The following PHF24 variants were observed in gnomAD, a reference collection of about 807,000 sequenced individuals.
PHF24 encodes PHD finger protein 24, also known as Galpha inhibitory interacting protein.
Under a neutral mutation model 42.6 loss-of-function variants are expected in PHF24, and 25 were observed. The observed-to-expected ratio is 0.59, with a 90% CI of 0.43 to 0.82. The LOEUF (loss-of-function observed/expected upper bound fraction) is 0.82. Among genes scored for constraint, PHF24 ranks in the 40% least tolerant of loss-of-function variants. PHF24 has a pLI of 0.00. For synonymous variants in PHF24, 185 were observed against 204.8 expected (o/e 0.90, Z 0.83); for missense variants, 470 against 538.1 (o/e 0.87, Z 1.25).
the PHF24 span, among the ~76,000 whole-genome samples, chr9:34,676,985 A>C: frequency 5.3e-5 from 8 of 152,364 alleles, no homozygotes; most frequent in South Asian, 1.7e-3. Flanking sequence ...ACTGGGGATG[A>C]CGCTTCAACA....
the PHF24 span, among the ~76,000 whole-genome samples, chr9:34,675,057 C>T: frequency 7.9e-5 from 12 of 152,224 alleles, no homozygotes; most frequent in African/African-American, 2.4e-4. Context: ...GGGGTTTCAC[C>T]GTGTTGCCCA....
At chr9:34,708,470 G>T in the PHF24 span, among the ~76,000 whole-genome samples, 1 of 152,192 alleles carries the variant, frequency 6.6e-6, no homozygotes, top group Non-Finnish European at 1.5e-5. Context: ...GCTGAAGCAA[G>T]TCCCCTCGGG....
the PHF24 span, among the ~76,000 whole-genome samples, chr9:34,713,074 A>T: frequency 6.6e-6 from 1 of 152,288 alleles, no homozygotes; most frequent in Non-Finnish European, 1.5e-5. Context: ...CTCCTTAGGG[A>T]TTGCTGATAT....
At chr9:34,675,713 G>T in the PHF24 span, among the ~76,000 whole-genome samples, 1 of 152,078 alleles carries the variant, frequency 6.6e-6, no homozygotes, top group Admixed American at 6.5e-5. Context: ...CTGCAGTTTG[G>T]GTCACTCTGA....
the PHF24 span, among the ~76,000 whole-genome samples, chr9:34,873,332 T>G: frequency 6.6e-6 from 1 of 152,010 alleles, no homozygotes; most frequent in Non-Finnish European, 1.5e-5. Context: ...GTTTTTATGG[T>G]TTTAGGTCTA....
At chr9:34,823,254 G>C in the PHF24 span, among the ~76,000 whole-genome samples, 1 of 151,528 alleles carries the variant, frequency 6.6e-6, no homozygotes, top group African/African-American at 2.4e-5. Context: ...AGCTGGAGTG[G>C]TGCTCACCTA....
chr9:34,977,425 G>T, intron 6 of PHF24, 121 bp from the exon 7 acceptor site: 1 of 1,230,322 alleles, frequency 8.1e-7, no homozygotes, highest in South Asian at 1.4e-5. Flanking sequence ...CTTCAACTCG[G>T]TGTTGCCACA....
chr9:34,863,746 T>C, the PHF24 span, among the ~76,000 whole-genome samples: 1 of 151,860 alleles, frequency 6.6e-6, no homozygotes, highest in Non-Finnish European at 1.5e-5. Context: ...CCAACAAATA[T>C]CCACAAGCAT....
At chr9:34,707,767 G>A in the PHF24 span, among the ~76,000 whole-genome samples, 7 of 151,298 alleles carry the variant, frequency 4.6e-5, no homozygotes, top group South Asian at 2.1e-4. Flanking sequence ...TGCTCTTGTC[G>A]CCCAGACTGG....
chr9:34,741,308 C>T, the PHF24 span, among the ~76,000 whole-genome samples: 1 of 152,128 alleles, frequency 6.6e-6, no homozygotes, highest in African/African-American at 2.4e-5. Flanking sequence ...TTTCTATTTT[C>T]CACTTCTAAC....
intron 1 of PHF24, among the ~76,000 whole-genome samples, chr9:34,970,055 GA>G (rs1208386282): frequency 2.0e-5 from 3 of 152,218 alleles, no homozygotes; most frequent in Non-Finnish European, 4.4e-5. Context: ...TTCCTATGAT[GA>G]GCAGTTAGTG....
At chr9:34,826,946 A>G in the PHF24 span, among the ~76,000 whole-genome samples, 2 of 152,208 alleles carry the variant, frequency 1.3e-5, no homozygotes, top group Non-Finnish European at 2.9e-5. Context: ...GCAAGGCTTC[A>G]TCCACCATCA....
At chr9:34,766,012 A>G in the PHF24 span, among the ~76,000 whole-genome samples, 60 of 152,142 alleles carry the variant, frequency 3.9e-4, no homozygotes, top group Non-Finnish European at 5.9e-4. Flanking sequence ...TTTCTTTAAG[A>G]ATGTTGAATA....
chr9:34,846,361 A>AC, the PHF24 span, among the ~76,000 whole-genome samples: 3 of 151,208 alleles, frequency 2.0e-5, no homozygotes, highest in Non-Finnish European at 4.4e-5. Context: ...GATGGTGAGC[A>AC]TTTTTTCATG....
the PHF24 span, among the ~76,000 whole-genome samples, chr9:34,797,255 G>T: frequency 1.3e-5 from 2 of 152,116 alleles, no homozygotes; most frequent in Non-Finnish European, 2.9e-5. Context: ...AGCCCCAGTG[G>T]GTATGTATTA....
At chr9:34,945,259 C>T in the PHF24 span, among the ~76,000 whole-genome samples, 1 of 152,188 alleles carries the variant, frequency 6.6e-6, no homozygotes, top group Non-Finnish European at 1.5e-5. Flanking sequence ...GGAACTCCAT[C>T]TTATACCTAT....
At chr9:34,701,023 C>T in the PHF24 span, among the ~76,000 whole-genome samples, 459 of 152,246 alleles carry the variant, frequency 3.0e-3, 3 homozygotes, top group African/African-American at 0.01. The surrounding 1 kb of genome is among the most constrained non-coding windows in gnomAD (Gnocchi z 5.8). Flanking sequence ...CTACGTGCTT[C>T]GCCTTGTTCA....
chr9:34,846,875 G>C, the PHF24 span, among the ~76,000 whole-genome samples: 1 of 152,158 alleles, frequency 6.6e-6, no homozygotes, highest in Non-Finnish European at 1.5e-5. Flanking sequence ...CCCATTGCTT[G>C]TTTTTCTCAG....
At chr9:34,671,520 C>T in the PHF24 span, among the ~76,000 whole-genome samples, 1 of 152,270 alleles carries the variant, frequency 6.6e-6, no homozygotes, top group African/African-American at 2.4e-5. Flanking sequence ...TACCCCAGGG[C>T]AATGTGAATT....
Sources: allele counts gnomAD v4.1 joint callset (sites outside exome capture counted in the v4.1 genomes callset), GRCh38; gene constraint gnomAD v4.1.1; non-coding constraint Gnocchi (gnomAD v3.1); transcripts MANE v1.5; gene names NCBI Gene and HGNC (gene_info 2026-07-23, HGNC 2026-07-21).